Variants in TAF3 observed in about 807,000 individuals in gnomAD.
TAF3 encodes TATA-box binding protein associated factor 3.
In TAF3, 7 loss-of-function variants were observed where a neutral mutation model predicts 80.6. That is an observed-to-expected ratio of 0.09 (90% CI 0.05 to 0.16). The LOEUF is 0.16. TAF3 is among the 10% of genes least tolerant of loss of function. The pLI is 1.00. For synonymous variants in TAF3, 444 were observed against 446.1 expected, an observed-to-expected ratio of 1.00 and a Z score of 0.06; for missense variants, 921 against 1,140.2, an observed-to-expected ratio of 0.81 and a Z score of 2.77.
At chr10:7,833,915 G>T (rs1362266770) in intron 2 of TAF3, 19 of 616,572 alleles carry the variant, frequency 3.1e-5, no homozygotes, top group Non-Finnish European at 4.4e-5. Context: ...CAGTGCGTGT[G>T]GAAGTGGGGC....
chr10:7,907,785 G>C (rs1458812721), intron 2 of TAF3, among the ~76,000 whole-genome samples: 1 of 152,216 alleles, frequency 6.6e-6, no homozygotes, highest in Non-Finnish European at 1.5e-5. Flanking sequence ...GCCATGAAAG[G>C]TGTTTGGTGA....
Position 7,964,253 on chromosome 10 carries a change from T to C in TAF3, c.743T>C (p.Met248Thr). 6.2e-7 allele frequency: 1 copy of C among 1,614,204 alleles called. No individual in the cohort carries two copies. ...GCACCTCCCTCACCCGAGCCGCCAA[T>C]GTTGGCTCCAGTTGCAAAATCACAA... Reference protein sequence around the residue: ...DLAPPSPEPPMLAPVAKSQMP... With the variant: ...DLAPPSPEPPTLAPVAKSQMP... Residue 248 changes from methionine to threonine, a missense_variant, in exon 3 of 7, where the codon ATG becomes ACG. This residue lies in a region of TAF3 where 743 missense variants were observed against 821.0 expected (regional missense o/e 0.90). Transcript: ENST00000344293. This position sits in a 1 kb window ranked among gnomAD's most constrained non-coding sequence, Gnocchi z 4.1.
chr10:7,950,989 G>T (rs548133559), intron 2 of TAF3, among the ~76,000 whole-genome samples: 5 of 152,192 alleles, frequency 3.3e-5, no homozygotes, highest in Admixed American at 2.6e-4. Context: ...TGTGCACTGG[G>T]AGTTCAATGT....
rs762275243 is a variant in TAF3, at chr10:7,964,503, C to G, written c.993C>G (p.Pro331=). ...GCCCCAAGGTCACGACTCACATTCC[C>G]CAAACACCTGTGAGACCTGAAACGC... is the stretch of plus-strand genomic sequence containing the variant. ...PKSPKVTTHI[P]QTPVRPETPN... Residue 331 remains proline, a synonymous_variant, in exon 3 of 7, where the codon CCC becomes CCG. Transcript: ENST00000344293. The surrounding 1 kb of genome is among the most constrained non-coding windows in gnomAD (Gnocchi z 4.1). The G allele has an allele frequency of 1.2e-6, 2 of 1,613,248 alleles. No homozygotes were observed. Among genetic ancestry groups the G allele is most frequent in the Admixed American group, 3.3e-5 (2 of 59,788 alleles).
chr10:7,886,129 AT>A (rs1461604790), intron 2 of TAF3, among the ~76,000 whole-genome samples: 1 of 151,684 alleles, frequency 6.6e-6, no homozygotes, highest in African/African-American at 2.4e-5. Flanking sequence ...GGGTCTCACT[AT>A]GTTGCCTGGG....
At chr10:7,989,177 C>CAG (rs1831809347) in intron 4 of TAF3, among the ~76,000 whole-genome samples, 1 of 152,174 alleles carries the variant, frequency 6.6e-6, no homozygotes, top group Admixed American at 6.5e-5. Context: ...ATCACGTGAC[C>CAG]AGCCTGAACC....
rs1005757247 is a variant in TAF3 at position 7,929,915 on chromosome 10, G to A, written c.410-34005G>A. 2.0e-5 allele frequency among the ~76,000 whole-genome samples: 3 copies of A among 152,164 alleles called. No homozygotes were observed. In the East Asian group the frequency reaches 5.8e-4, roughly 29 times the overall value. ...GTCTGTATAAGTATTCAAGATACAG[G>A]CTAGGGCCAGGCGTGGTGGCTCACA... is the stretch of plus-strand genomic sequence containing the variant. On this transcript the variant is annotated intron_variant, in intron 2 of 6. Coordinates refer to ENST00000344293, the MANE Select transcript of TAF3 (RefSeq NM_031923.4).
intron 4 of TAF3, among the ~76,000 whole-genome samples, chr10:8,007,565 TATA>T (rs1832007427): frequency 1.9e-3 from 5 of 2,606 alleles, no homozygotes; most frequent in African/African-American, 3.6e-3. Flanking sequence ...TGTGAAATTA[TATA>T]TATATATATA....
At chr10:7,983,398 AAAAGT>A (rs929828553) in intron 4 of TAF3, among the ~76,000 whole-genome samples, 2 of 152,200 alleles carry the variant, frequency 1.3e-5, no homozygotes, top group African/African-American at 2.4e-5. Context: ...GCATTTTTAT[AAAAGT>A]GTCCTGGGGA....
chr10:8,004,473 T>C (rs944476263), intron 4 of TAF3, among the ~76,000 whole-genome samples: 5 of 152,232 alleles, frequency 3.3e-5, no homozygotes, highest in Non-Finnish European at 7.3e-5. Context: ...TTAGAATTTT[T>C]TTTTTTAAAT....
chr10:7,997,065 C>G (rs1831897102), intron 4 of TAF3, among the ~76,000 whole-genome samples: 1 of 152,048 alleles, frequency 6.6e-6, no homozygotes, highest in Non-Finnish European at 1.5e-5. Flanking sequence ...TGAGATTGAT[C>G]AAAAACTGAA....
intron 2 of TAF3, among the ~76,000 whole-genome samples, chr10:7,869,651 G>A (rs1015785055): frequency 6.6e-6 from 1 of 152,194 alleles, no homozygotes; most frequent in Non-Finnish European, 1.5e-5. Context: ...AAGAACTGCT[G>A]TGTTGATTGT....
intron 2 of TAF3, among the ~76,000 whole-genome samples, chr10:7,865,128 C>G (rs1483218580): frequency 5.3e-5 from 8 of 151,938 alleles, no homozygotes; most frequent in African/African-American, 1.9e-4. Context: ...TGAGTGGGGC[C>G]TGGGGGTCAG....
At chr10:7,873,770 T>C (rs1477909773) in intron 2 of TAF3, among the ~76,000 whole-genome samples, 1 of 152,218 alleles carries the variant, frequency 6.6e-6, no homozygotes, top group East Asian at 1.9e-4. Flanking sequence ...AGTTCCTTGA[T>C]TAAAATGTGT....
intron 4 of TAF3, among the ~76,000 whole-genome samples, chr10:8,006,392 A>C (rs1352444131): frequency 1.3e-5 from 2 of 152,100 alleles, no homozygotes; most frequent in African/African-American, 4.8e-5. Flanking sequence ...AAAAAAACCT[A>C]GATAAGGCAA....
intron 2 of TAF3, among the ~76,000 whole-genome samples, chr10:7,952,753 T>C (rs1838095010): frequency 6.6e-6 from 1 of 152,206 alleles, no homozygotes; most frequent in Admixed American, 6.5e-5. Flanking sequence ...GGTTGTAATG[T>C]ATGAATTGTC....
chr10:7,928,535 C>T (rs1343569572), intron 2 of TAF3, among the ~76,000 whole-genome samples: 1 of 152,192 alleles, frequency 6.6e-6, no homozygotes, highest in Non-Finnish European at 1.5e-5. Context: ...CCTGTTGACT[C>T]AAGGGTGTCA....
intron 2 of TAF3, among the ~76,000 whole-genome samples, chr10:7,928,237 C>G (rs932395091): frequency 6.6e-6 from 1 of 152,168 alleles, no homozygotes; most frequent in African/African-American, 2.4e-5. Flanking sequence ...TTTCGGTGGT[C>G]AGGCATTTTT....
intron 2 of TAF3, among the ~76,000 whole-genome samples, chr10:7,873,433 G>A (rs2131147543): frequency 6.6e-6 from 1 of 152,328 alleles, no homozygotes; most frequent in East Asian, 1.9e-4. Context: ...AAATTTGAGA[G>A]ATGAACGAGA....
Sources: allele counts gnomAD v4.1 joint callset (sites outside exome capture counted in the v4.1 genomes callset), GRCh38; gene constraint gnomAD v4.1.1; regional missense constraint gnomAD v4.1.1; non-coding constraint Gnocchi (gnomAD v3.1); transcripts MANE v1.5; gene names NCBI Gene and HGNC (gene_info 2026-07-23, HGNC 2026-07-21).